WDFY3: variants seen among roughly 807,000 people sequenced by gnomAD.
WDFY3 encodes the protein WD repeat and FYVE domain-containing protein 3.
Under a neutral mutation model 409.6 loss-of-function variants are expected in WDFY3, and 66 were observed. That is an observed-to-expected ratio of 0.16 (90% CI 0.13 to 0.20). The LOEUF (loss-of-function observed/expected upper bound fraction) is 0.20. Among genes scored for constraint, WDFY3 ranks in the 10% least tolerant of loss-of-function variants. WDFY3 has a pLI of 1.00. For synonymous variants in WDFY3, 1,521 were observed against 1,537.1 expected (o/e 0.99, Z 0.25); for missense variants, 3,031 against 4,298.1 (o/e 0.71, Z 8.24).
chr4:84,890,468 C>G (rs4396980), intron 3 of WDFY3, among the ~76,000 whole-genome samples: 149,345 of 152,336 alleles, frequency 0.98, 73,285 homozygotes, highest in East Asian at 1. Flanking sequence ...ACATTTTTTA[C>G]CTGCAGTGTT....
chr4:84,718,331 C>T (rs1734303989), intron 48 of WDFY3, 91 bp downstream of exon 48: 3 of 1,402,642 alleles, frequency 2.1e-6, no homozygotes, highest in South Asian at 3.1e-5. Context: ...TTACCTAGAA[C>T]ACAATTTTTT....
intron 33 of WDFY3, among the ~76,000 whole-genome samples, chr4:84,756,420 A>G (rs1007122879): frequency 6.6e-6 from 1 of 151,896 alleles, no homozygotes; most frequent in African/African-American, 2.4e-5. Flanking sequence ...CCCTGTCTCT[A>G]CTAAAAATAC....
At chr4:84,909,471 A>G (rs1460863754) in intron 2 of WDFY3, among the ~76,000 whole-genome samples, 1 of 152,082 alleles carries the variant, frequency 6.6e-6, no homozygotes, top group Admixed American at 6.5e-5. Context: ...AGTAAGAGAA[A>G]ATGACATCTA....
chr4:84,954,567 T>C (rs1048289004), intron 1 of WDFY3, among the ~76,000 whole-genome samples: 3 of 152,158 alleles, frequency 2.0e-5, no homozygotes, highest in Non-Finnish European at 2.9e-5. Flanking sequence ...ATAAAACACA[T>C]ATTATCATTC....
chr4:84,735,352 T>C (rs531689893), intron 42 of WDFY3, among the ~76,000 whole-genome samples: 6 of 152,334 alleles, frequency 3.9e-5, no homozygotes, highest in African/African-American at 1.4e-4. Context: ...CCCACGTGTC[T>C]GGGCTGCTCT....
intron 58 of WDFY3, among the ~76,000 whole-genome samples, chr4:84,694,522 G>T (rs1729787131): frequency 6.6e-6 from 1 of 152,190 alleles, no homozygotes; most frequent in Non-Finnish European, 1.5e-5. Context: ...TTCCCCTAGG[G>T]TATGAAAGAT....
intron 67 of WDFY3, among the ~76,000 whole-genome samples, chr4:84,676,420 T>C (rs1050103339): frequency 6.6e-6 from 1 of 152,230 alleles, no homozygotes; most frequent in South Asian, 2.1e-4. Flanking sequence ...GTAGTGGAGG[T>C]AGTATTAACT....
At chr4:84,765,672 G>T (rs1468930571) in intron 32 of WDFY3, 138 bp downstream of exon 32, 6 of 671,488 alleles carry the variant, frequency 8.9e-6, no homozygotes, top group Admixed American at 3.0e-5. Context: ...AATCTTGTAA[G>T]CTCTTCCTTC....
intron 12 of WDFY3, among the ~76,000 whole-genome samples, chr4:84,819,692 T>C (rs1019508428): frequency 1.3e-5 from 2 of 152,108 alleles, no homozygotes; most frequent in African/African-American, 4.8e-5. Flanking sequence ...TGTTCAGTAT[T>C]TCCTGAAGGT....
intron 64 of WDFY3, among the ~76,000 whole-genome samples, chr4:84,679,874 G>GTGTATA (rs1480973488): frequency 3.3e-4 from 49 of 146,942 alleles, no homozygotes; most frequent in African/African-American, 1.2e-3. Flanking sequence ...ACGTACGTGT[G>GTGTATA]TATATATATA....
At chr4:84,931,427 T>C (rs1407572083) in intron 2 of WDFY3, among the ~76,000 whole-genome samples, 1 of 152,132 alleles carries the variant, frequency 6.6e-6, no homozygotes, top group African/African-American at 2.4e-5. Context: ...GGTATTATGC[T>C]TGGGAGGCAG....
intron 32 of WDFY3, among the ~76,000 whole-genome samples, chr4:84,758,991 G>A (rs963111866): frequency 6.6e-6 from 1 of 152,176 alleles, no homozygotes; most frequent in African/African-American, 2.4e-5. Flanking sequence ...TAAGGTGTAA[G>A]CAAGGGATCC....
At chr4:84,955,215 AC>A (rs1774093475) in intron 1 of WDFY3, among the ~76,000 whole-genome samples, 1 of 151,754 alleles carries the variant, frequency 6.6e-6, no homozygotes, top group Non-Finnish European at 1.5e-5. Context: ...AAAAAAAAAA[AC>A]AAAAAGGGAG....
chr4:84,784,891 T>TATATACAC (rs1238884117), intron 24 of WDFY3, among the ~76,000 whole-genome samples: 77 of 36,916 alleles, frequency 2.1e-3, no homozygotes, highest in African/African-American at 5.5e-3. Flanking sequence ...TATATATATA[T>TATATACAC]ACACACACAC....
chr4:84,796,464 T>C (rs964068442), intron 19 of WDFY3, 57 bp downstream of exon 19: 12 of 1,109,152 alleles, frequency 1.1e-5, no homozygotes, highest in Non-Finnish European at 9.6e-6. Context: ...GATCTATTTG[T>C]AAAGGCAAGT....
rs1458796819 is a variant in WDFY3, at chr4:84,678,200, G to A, written c.10227C>T (p.His3409=). The change falls in exon 66 of 68, where the codon CAC becomes CAT. Residue 3409 remains histidine, a synonymous_variant. Coordinates refer to ENST00000295888, the MANE Select transcript of WDFY3 (RefSeq NM_014991.6). The part of the protein sequence containing the change: ...HTAFDRKDNA[H]PAEVTALGIS... ...TGCCCAAGGCAGTGACCTCAGCTGG[G>A]TGTGCATTGTCCTTTCGATCAAAGG... is the stretch of plus-strand genomic sequence containing the variant. The A allele has an allele frequency of 1.2e-6, 2 of 1,614,126 alleles. No individual in the cohort carries two copies. The highest frequency in any genetic ancestry group is 4.5e-5 in the East Asian group (2 of 44,866).
intron 30 of WDFY3, among the ~76,000 whole-genome samples, chr4:84,769,744 G>T (rs2149413798): frequency 6.6e-6 from 1 of 152,054 alleles, no homozygotes; most frequent in East Asian, 1.9e-4. Flanking sequence ...TTTTTTAATT[G>T]ACATATAATT....
chr4:84,965,851 T>A (rs1342502643), intron 1 of WDFY3: 2 of 152,480 alleles, frequency 1.3e-5, no homozygotes, highest in East Asian at 3.9e-4. Flanking sequence ...CCCCACTGCT[T>A]CCCACAGGTA....
intron 3 of WDFY3, among the ~76,000 whole-genome samples, chr4:84,883,353 G>A (rs905173859): frequency 4.6e-5 from 7 of 152,054 alleles, no homozygotes; most frequent in African/African-American, 1.7e-4. Flanking sequence ...TGAAATATGT[G>A]GCTTCTCTAA....
Sources: allele counts gnomAD v4.1 joint callset (sites outside exome capture counted in the v4.1 genomes callset), GRCh38; gene constraint gnomAD v4.1.1; transcripts MANE v1.5; gene names NCBI Gene and HGNC (gene_info 2026-07-23, HGNC 2026-07-21).